RBFOX1: variants seen among roughly 807,000 people sequenced by gnomAD.
RBFOX1 encodes RNA binding protein fox-1 homolog 1.
In RBFOX1, 8 loss-of-function variants were observed where a neutral mutation model predicts 57.7. The ratio of observed to expected loss-of-function variants is 0.14; its 90% CI spans 0.08 to 0.25. RBFOX1 has a LOEUF of 0.25. Among genes scored for constraint, RBFOX1 ranks in the 10% least tolerant of loss-of-function variants. The pLI is 1.00. For synonymous variants in RBFOX1, 326 were observed against 222.4 expected (o/e 1.47, Z -4.15); for missense variants, 611 against 548.5 (o/e 1.11, Z -1.14).
chr16:6,093,397 G>T (rs546566160), intron 1 of RBFOX1, among the ~76,000 whole-genome samples: 1 of 151,898 alleles, frequency 6.6e-6, no homozygotes, highest in Non-Finnish European at 1.5e-5. Flanking sequence ...ATAGTGAGAC[G>T]CCATCTCTTA....
chr16:5,971,714 C>T (rs916180311), intron 4 of RBFOX1, among the ~76,000 whole-genome samples: 3 of 152,150 alleles, frequency 2.0e-5, no homozygotes, highest in African/African-American at 7.2e-5. Context: ...AAGGACCAGT[C>T]TGGATTTATT....
At chr16:6,929,687 G>A (rs72772263) in intron 3 of RBFOX1, among the ~76,000 whole-genome samples, 1 of 151,566 alleles carries the variant, frequency 6.6e-6, no homozygotes, top group South Asian at 2.1e-4. Flanking sequence ...GTGTGTTAGA[G>A]AATGTGTTAC....
At chr16:5,353,160 G>A (rs1268095307) in intron 1 of RBFOX1, among the ~76,000 whole-genome samples, 2 of 152,108 alleles carry the variant, frequency 1.3e-5, no homozygotes, top group South Asian at 2.1e-4. Context: ...GATCACCTGA[G>A]GTTAGGAGTT....
At chr16:6,169,176 A>G (rs1052601916) in intron 1 of RBFOX1, among the ~76,000 whole-genome samples, 1 of 152,192 alleles carries the variant, frequency 6.6e-6, no homozygotes, top group Non-Finnish European at 1.5e-5. Context: ...GCAAAACATG[A>G]TCACTGACCT....
intron 3 of RBFOX1, among the ~76,000 whole-genome samples, chr16:6,871,412 C>T (rs1055418611): frequency 6.6e-6 from 1 of 152,120 alleles, no homozygotes; most frequent in Admixed American, 6.5e-5. Context: ...TCTCAAACTC[C>T]TGAGGTCAAA....
chr16:7,257,071 T>C (rs1195559545), intron 4 of RBFOX1, among the ~76,000 whole-genome samples: 1 of 152,176 alleles, frequency 6.6e-6, no homozygotes, highest in African/African-American at 2.4e-5. Context: ...TTCCCGTGTG[T>C]GTCTAGAGCC....
chr16:7,205,943 C>G (rs2089876069), intron 4 of RBFOX1, among the ~76,000 whole-genome samples: 1 of 152,218 alleles, frequency 6.6e-6, no homozygotes, highest in African/African-American at 2.4e-5. Flanking sequence ...GGAGGACAGC[C>G]TGGTTTTCTC....
At chr16:7,505,866 C>T (rs555011689) in intron 4 of RBFOX1, among the ~76,000 whole-genome samples, 4 of 152,064 alleles carry the variant, frequency 2.6e-5, no homozygotes, top group Admixed American at 6.6e-5. Context: ...ATGGCTTCAG[C>T]ACAACTTTAG....
intron 3 of RBFOX1, among the ~76,000 whole-genome samples, chr16:6,924,020 A>G (rs1435288453): frequency 6.6e-6 from 1 of 151,892 alleles, no homozygotes; most frequent in African/African-American, 2.4e-5. Context: ...AAATACAAAC[A>G]TTAGTCAGGT....
intron 4 of RBFOX1, among the ~76,000 whole-genome samples, chr16:7,379,746 TTGCCTGCC>T (rs1010841799): frequency 2.6e-5 from 4 of 151,240 alleles, no homozygotes; most frequent in African/African-American, 4.8e-5. Context: ...GCCTGCCTGC[TTGCCTGCC>T]TGCCTGCCTG....
At chr16:7,708,998 T>G (rs1010509301) in intron 14 of RBFOX1, 58 bp from the exon 15 acceptor site, 15 of 1,504,146 alleles carry the variant, frequency 1.0e-5, no homozygotes, top group Middle Eastern at 1.7e-4. Context: ...ATTTTATGAT[T>G]GTTATTGTTT....
At chr16:5,353,139 C>G (rs907733470) in intron 1 of RBFOX1, among the ~76,000 whole-genome samples, 13 of 152,018 alleles carry the variant, frequency 8.6e-5, no homozygotes, top group African/African-American at 2.9e-4. Context: ...TTTGGGAAGC[C>G]GAGGTGGGTG....
chr16:7,541,787 G>C (rs2083014870), intron 5 of RBFOX1, among the ~76,000 whole-genome samples: 1 of 152,262 alleles, frequency 6.6e-6, no homozygotes, highest in Non-Finnish European at 1.5e-5. Context: ...TTGAGTCTCT[G>C]TTTCTTCCTC....
At chr16:6,405,459 G>A (rs149934712) in intron 2 of RBFOX1, among the ~76,000 whole-genome samples, 151 of 152,216 alleles carry the variant, frequency 9.9e-4, no homozygotes, top group African/African-American at 3.6e-3. Context: ...TCCCACCACC[G>A]TATCATCTGG....
chr16:7,671,383 A>G (rs767543396), intron 13 of RBFOX1, among the ~76,000 whole-genome samples: 3 of 152,186 alleles, frequency 2.0e-5, no homozygotes, highest in Non-Finnish European at 4.4e-5. Flanking sequence ...GCAACTAAAA[A>G]TGTTTGTCGA....
intron 1 of RBFOX1, among the ~76,000 whole-genome samples, chr16:6,074,977 A>G (rs1350648502): frequency 6.6e-6 from 1 of 152,148 alleles, no homozygotes; most frequent in Non-Finnish European, 1.5e-5. Context: ...GTCTGATTGG[A>G]GTCTGGTTAA....
intron 3 of RBFOX1, among the ~76,000 whole-genome samples, chr16:5,710,409 G>C (rs1002488772): frequency 6.6e-6 from 1 of 152,162 alleles, no homozygotes; most frequent in Non-Finnish European, 1.5e-5. Flanking sequence ...CTGCTTGGTA[G>C]CCTTGCGCAG....
In RBFOX1 at chr16:5,323,459, G is replaced by T. The variant is rs141072092; in HGVS notation, c.219+83354G>T. 2.6e-5 allele frequency among the ~76,000 whole-genome samples: 4 copies of T among 152,332 alleles called. No individual in the cohort carries two copies. The South Asian group carries it at 6.2e-4, about 24-fold the overall frequency. On this transcript the variant is annotated intron_variant, in intron 1 of 2. Transcript: ENST00000585867. ...CTCCAGCCTTGCTCATGTTAATTAC[G>T]TGGGTTCTCTGGCATCTGAAACATC...
At chr16:7,204,996 C>G (rs532697643) in intron 4 of RBFOX1, among the ~76,000 whole-genome samples, 9 of 152,112 alleles carry the variant, frequency 5.9e-5, no homozygotes, top group Non-Finnish European at 1.3e-4. Flanking sequence ...TCTCTTTATC[C>G]TACACTCTCT....
Sources: allele counts gnomAD v4.1 joint callset (sites outside exome capture counted in the v4.1 genomes callset), GRCh38; gene constraint gnomAD v4.1.1; transcripts MANE v1.5; gene names NCBI Gene and HGNC (gene_info 2026-07-23, HGNC 2026-07-21).